The following SHOX variants were observed in gnomAD, a reference collection of about 807,000 sequenced individuals.
SHOX encodes the protein SHOX homeobox.
SHOX carries 12 observed loss-of-function variants against 29.6 expected under a neutral mutation model. That is an observed-to-expected ratio of 0.41 (90% CI 0.26 to 0.66). The LOEUF (loss-of-function observed/expected upper bound fraction) is 0.66, where lower values mean the gene tolerates loss of function less well. Ranked by LOEUF, SHOX falls within the 30% of genes least tolerant of loss-of-function variation. The probability of loss-of-function intolerance (pLI) is 0.35; values close to 1 mark genes in which losing one functional copy is unlikely to be tolerated. For synonymous variants in SHOX, 214 were observed against 200.6 expected, an observed-to-expected ratio of 1.07 and a Z score of -0.57; for missense variants, 499 against 437.7, an observed-to-expected ratio of 1.14 and a Z score of -1.25.
At chrX:628,243 C>T (rs1478816215), upstream of SHOX, among the ~76,000 whole-genome samples, 1 of 132,808 alleles carries the variant, frequency 7.5e-6, no homozygotes, top group Non-Finnish European at 1.6e-5. Flanking sequence ...CTCTCCATCT[C>T]CCAGTCTCTC....
At chrX:629,928 A>G (rs1434965897), upstream of SHOX, among the ~76,000 whole-genome samples, 4 of 152,182 alleles carry the variant, frequency 2.6e-5, no homozygotes, top group Non-Finnish European at 5.9e-5. Flanking sequence ...AACCAAAAAC[A>G]CAAGTATTTT....
chrX:630,825 C>T lies in SHOX; in HGVS notation c.-73C>T, dbSNP rs1253157735. The T allele has an allele frequency of 1.3e-6, 2 of 1,579,086 alleles. No individual in the cohort carries two copies. The highest frequency in any genetic ancestry group is 1.7e-6 in the Non-Finnish European group (2 of 1,152,744). The stretch of plus-strand genomic sequence containing the variant: ...AGCGCTGGTGATCCACCCGCGCGCA[C>T]GGGCCGTCCTCTCCGCGCGGGGAGA... On this transcript the variant is annotated 5_prime_UTR_variant, in exon 1 of 5. It adds an upstream start codon to the 5' untranslated region. Transcript: ENST00000686671.
intron 4 of SHOX, among the ~76,000 whole-genome samples, chrX:642,307 G>C (rs760386618): frequency 1.3e-5 from 2 of 152,052 alleles, no homozygotes; most frequent in East Asian, 1.9e-4. Context: ...GCTTGGGGGG[G>C]GGGCTCTGGC....
At chrX:635,602 G>A (rs1298103834) in intron 2 of SHOX, among the ~76,000 whole-genome samples, 1 of 152,222 alleles carries the variant, frequency 6.6e-6, no homozygotes, top group African/African-American at 2.4e-5. Context: ...CCCGAGGAGC[G>A]CGCGAATTCA....
rs376330042 is a variant in SHOX, at chrX:641,031, G to A, written c.577G>A (p.Ala193Thr). 65 of 1,613,822 alleles carry A rather than the reference G, an allele frequency of 4.0e-5. No homozygotes were observed. The African/African-American group carries it at 6.7e-4, about 17-fold the overall frequency. ...CTTGGGCACAGCCAACCACCTAGAC[G>A]CCTGCCGAGTGGCACCCTACGTCAA... ...VILGTANHLD[A>T]CRVAPYVNMG... Residue 193 changes from alanine (A) to threonine (T), a missense_variant, in exon 4 of 5, where the codon GCC (alanine) becomes ACC (threonine). Ala to Thr is a moderately conservative substitution (Grantham distance 58). Coordinates refer to ENST00000686671, the MANE Select transcript of SHOX (RefSeq NM_000451.4).
chrX:624,796 G>C (rs1474607149), intron 1 of SHOX, among the ~76,000 whole-genome samples: 1 of 130,066 alleles, frequency 7.7e-6, no homozygotes, highest in Non-Finnish European at 1.6e-5. Context: ...TTCTTTTCCA[G>C]AAAGCTTTGC....
chrX:644,228 G>C (rs769768241), intron 4 of SHOX, 163 bp from the exon 5 acceptor site: 1 of 593,742 alleles, frequency 1.7e-6, no homozygotes, highest in African/African-American at 2.0e-5. Flanking sequence ...TTCTGGGCCA[G>C]GGGGAAGGAG....
In SHOX at chrX:651,311, C is replaced by G. The variant is rs1419634890; in HGVS notation, c.*6675C>G. The G allele has an allele frequency of 6.6e-6, 3 of 455,424 alleles. No individual in the cohort carries two copies. The East Asian group carries it at 2.1e-4, about 32-fold the overall frequency. 28.2% of individuals were successfully genotyped at this position (455,424 alleles called of 1,614,324 possible). On this transcript the variant is annotated 3_prime_UTR_variant, in exon 5 of 5. Coordinates refer to ENST00000686671, the MANE Select transcript of SHOX (RefSeq NM_000451.4). Reference sequence around the variant, plus strand: ...TTTCAGGGATTGCTTCAGATGAAAACAAATCACACACCGTTTCCCAAACCA... The same window carrying G: ...TTTCAGGGATTGCTTCAGATGAAAAGAAATCACACACCGTTTCCCAAACCA...
At chrX:626,836 TTCTGTCTCTGTCTCTCTG>T (rs1254253941), upstream of SHOX, among the ~76,000 whole-genome samples, 1 of 144,258 alleles carries the variant, frequency 6.9e-6, no homozygotes, top group Non-Finnish European at 1.5e-5. Context: ...CTCTCTCTTT[TTCTGTCTCTGTCTCTCTG>T]TCTGTCTCTG....
At chrX:629,219 G>C (rs749436221), upstream of SHOX, among the ~76,000 whole-genome samples, 3 of 128,824 alleles carry the variant, frequency 2.3e-5, no homozygotes, top group South Asian at 2.6e-4. Flanking sequence ...CCCTGTCTGT[G>C]TCTCTCTTTC....
chrX:624,734 T>C (rs1289964618), intron 1 of SHOX: 1 of 146,788 alleles, frequency 6.8e-6, no homozygotes, highest in African/African-American at 2.6e-5. Flanking sequence ...TCTTTCTTTC[T>C]TTCTTTTCTT....
In SHOX at chrX:644,553, G is replaced by A. The variant is rs1340369865; in HGVS notation, c.796G>A (p.Ala266Thr). 1 of 1,517,744 alleles carries A rather than the reference G, an allele frequency of 6.6e-7. No homozygotes were observed. Among genetic ancestry groups the A allele is most frequent in the Non-Finnish European group, 8.8e-7 (1 of 1,139,510 alleles). 94.0% of individuals were successfully genotyped at this position (1,517,744 alleles called of 1,614,324 possible). A position where few individuals can be genotyped will look rare whatever the true frequency, so the allele number is the denominator to read the frequency against. Residue 266 changes from alanine (A) to threonine (T), a missense_variant, in exon 5 of 5, where the codon GCC becomes ACC. By Grantham distance (58) the Ala-to-Thr change is moderately conservative. Coordinates refer to ENST00000686671, the MANE Select transcript of SHOX (RefSeq NM_000451.4). ...SASAAAVVAA[A>T]AKSNSKNSSI... ...CTCGGCCGCCGCCGTGGTCGCCGCC[G>A]CCGCCAAAAGCAACAGCAAGAATTC...
Position 644,542 on chromosome X carries a change from T to C in SHOX, c.785T>C (p.Val262Ala), listed in dbSNP as rs928327753. 46 of 1,517,682 alleles carry C rather than the reference T, an allele frequency of 3.0e-5. No homozygotes were observed. The Admixed American group carries it at 6.8e-4, about 23-fold the overall frequency. 94.0% of individuals were successfully genotyped at this position (1,517,682 alleles called of 1,614,324 possible). ...SLAESASAAA[V>A]VAAAAKSNSK... Reference sequence around the variant, plus strand: ...GCCGAGTCCGCCTCGGCCGCCGCCGTGGTCGCCGCCGCCGCCAAAAGCAAC... The same window carrying C: ...GCCGAGTCCGCCTCGGCCGCCGCCGCGGTCGCCGCCGCCGCCAAAAGCAAC... The change falls in exon 5 of 5, where the codon GTG (valine) becomes GCG (alanine). Residue 262 changes from valine (V) to alanine (A), a missense_variant. Val to Ala is a moderately conservative substitution (Grantham distance 64, BLOSUM62 0). Coordinates refer to ENST00000686671, the MANE Select transcript of SHOX (RefSeq NM_000451.4).
At chrX:631,413 C>A (rs2052646388) in intron 1 of SHOX, among the ~76,000 whole-genome samples, 1 of 152,178 alleles carries the variant, frequency 6.6e-6, no homozygotes, top group South Asian at 2.1e-4. Flanking sequence ...GCAGCGGGGG[C>A]CGCGCGCGTG....
downstream of SHOX, among the ~76,000 whole-genome samples, chrX:655,298 G>A (rs1034172155): frequency 1.7e-4 from 26 of 151,444 alleles, no homozygotes; most frequent in Non-Finnish European, 2.9e-4. Flanking sequence ...TAGTAGAGAC[G>A]GGATTTCACC....
chrX:631,889 C>T (rs773377874), intron 1 of SHOX: 12 of 455,944 alleles, frequency 2.6e-5, no homozygotes, highest in African/African-American at 1.2e-4. Flanking sequence ...CTTGTATTTA[C>T]GGTCACCCAG....
intron 1 of SHOX, 38 bp from the exon 2 acceptor site, chrX:634,580 C>G: frequency 6.2e-7 from 1 of 1,607,836 alleles, no homozygotes; most frequent in South Asian, 1.1e-5. Context: ...CGCAAAACCT[C>G]CCCGGCCTCA....
chrX:651,601 A>C (rs1474443221), downstream of SHOX: 1 of 279,474 alleles, frequency 3.6e-6, no homozygotes, highest in Non-Finnish European at 6.9e-6. Context: ...TGTTAAAAAA[A>C]AAAAAATTCT....
rs2052507174 is a variant in SHOX at position 625,494 on chromosome X, CCT to C, written c.-433+893_-433+894del. Among the ~76,000 whole-genome samples the C allele has an allele frequency of 2.6e-5, 4 of 151,930 alleles. No homozygotes were observed. In the South Asian group the frequency reaches 6.3e-4, roughly 24 times the overall value. On this transcript the variant is annotated intron_variant, in intron 1 of 5. Transcript: ENST00000334060. ...TCTCTCTCTGTCTGTCTCTCTGTCC[CCT>C]GTCTGTCGCTATTTTTCTCTGTCTA...
Sources: allele counts gnomAD v4.1 joint callset (sites outside exome capture counted in the v4.1 genomes callset), GRCh38; gene constraint gnomAD v4.1.1; transcripts MANE v1.5; gene names NCBI Gene and HGNC (gene_info 2026-07-23, HGNC 2026-07-21).